Variants in SLX4IP observed in about 807,000 individuals in gnomAD.
The protein encoded by SLX4IP is SLX4 interacting protein.
SLX4IP carries 34 observed loss-of-function variants against 32.9 expected under a neutral mutation model. The observed-to-expected ratio is 1.03, with a 90% CI of 0.79 to 1.38. SLX4IP has a LOEUF of 1.38. SLX4IP is among the 40% of genes most tolerant of loss of function. The pLI is 0.00. For synonymous variants in SLX4IP, 172 were observed against 171.7 expected (o/e 1.00, Z -0.01); for missense variants, 444 against 479.0 (o/e 0.93, Z 0.68).
intron 6 of SLX4IP, among the ~76,000 whole-genome samples, chr20:10,609,789 A>T (rs1448188105): frequency 6.6e-6 from 1 of 151,394 alleles, no homozygotes; most frequent in Admixed American, 6.6e-5. Context: ...CAGAGAAGGC[A>T]TTTTTTTTTA....
chr20:10,545,627 G>T, intron 2 of SLX4IP, among the ~76,000 whole-genome samples: 1 of 152,192 alleles, frequency 6.6e-6, no homozygotes, highest in Non-Finnish European at 1.5e-5. Flanking sequence ...TAAATGAGAA[G>T]ATTCCAGGGA....
At chr20:10,456,932 A>G (rs1189604032) in intron 1 of SLX4IP, among the ~76,000 whole-genome samples, 1 of 152,118 alleles carries the variant, frequency 6.6e-6, no homozygotes, top group Admixed American at 6.6e-5. Context: ...TGGTGTACAA[A>G]TCTTGTACTT....
intron 2 of SLX4IP, among the ~76,000 whole-genome samples, chr20:10,483,628 A>C (rs2065545248): frequency 7.0e-6 from 1 of 141,858 alleles, no homozygotes; most frequent in South Asian, 2.3e-4. Flanking sequence ...TTAATTACAT[A>C]TTAAAATCCT....
At chr20:10,442,857 C>T (rs1421758573) in intron 1 of SLX4IP, among the ~76,000 whole-genome samples, 1 of 152,182 alleles carries the variant, frequency 6.6e-6, no homozygotes, top group Non-Finnish European at 1.5e-5. Context: ...CAGGATGTTC[C>T]TTGATTTAAA....
At chr20:10,601,385 T>C (rs1262204188) in intron 5 of SLX4IP, among the ~76,000 whole-genome samples, 1 of 152,212 alleles carries the variant, frequency 6.6e-6, no homozygotes, top group Non-Finnish European at 1.5e-5. Flanking sequence ...TGTTACATGC[T>C]CATTTTGAAA....
intron 6 of SLX4IP, among the ~76,000 whole-genome samples, chr20:10,602,910 A>C (rs2066860000): frequency 6.6e-6 from 1 of 152,236 alleles, no homozygotes; most frequent in African/African-American, 2.4e-5. Flanking sequence ...CGTTTGGTGC[A>C]GAGGAACCCT....
chr20:10,586,484 G>T (rs1027855394), intron 4 of SLX4IP, among the ~76,000 whole-genome samples: 1 of 152,174 alleles, frequency 6.6e-6, no homozygotes, highest in African/African-American at 2.4e-5. Context: ...AAATTAATCA[G>T]TCACAAGGAA....
intron 4 of SLX4IP, among the ~76,000 whole-genome samples, chr20:10,570,036 A>G (rs1772509258): frequency 6.6e-6 from 1 of 152,198 alleles, no homozygotes; most frequent in Non-Finnish European, 1.5e-5. Flanking sequence ...TCTCCGTCTT[A>G]TTTGGAGGTA....
chr20:10,617,215 G>A (rs888628968), intron 6 of SLX4IP, among the ~76,000 whole-genome samples: 2 of 152,342 alleles, frequency 1.3e-5, no homozygotes, highest in East Asian at 3.9e-4. Flanking sequence ...CTGCTGCTCT[G>A]CCTTGCTGAG....
At chr20:10,476,309 G>A (rs561492201) in intron 2 of SLX4IP, among the ~76,000 whole-genome samples, 1 of 152,210 alleles carries the variant, frequency 6.6e-6, no homozygotes, top group East Asian at 1.9e-4. Context: ...GCATGAATCT[G>A]GTCTTAAATC....
intron 1 of SLX4IP, among the ~76,000 whole-genome samples, chr20:10,452,680 A>AATATATATATATATATATATATAT (rs1280513421): frequency 1.8e-5 from 2 of 109,502 alleles, no homozygotes; most frequent in African/African-American, 7.0e-5. Flanking sequence ...AAAAAAAAAA[A>AATATATATATATATATATATATAT]ATATATATAT....
intron 2 of SLX4IP, among the ~76,000 whole-genome samples, chr20:10,534,630 C>T (rs574515557): frequency 4.6e-5 from 7 of 152,154 alleles, no homozygotes; most frequent in South Asian, 2.1e-4. Context: ...TGTCCTGCTC[C>T]GTGTTCAGCT....
At chr20:10,597,963 GAATT>G (rs1267023024) in intron 4 of SLX4IP, among the ~76,000 whole-genome samples, 2 of 152,110 alleles carry the variant, frequency 1.3e-5, no homozygotes, top group East Asian at 3.8e-4. Context: ...TGACATACTT[GAATT>G]AATTTATTTA....
At chr20:10,498,530 T>A (rs902582743) in intron 2 of SLX4IP, among the ~76,000 whole-genome samples, 5 of 152,178 alleles carry the variant, frequency 3.3e-5, no homozygotes, top group South Asian at 2.1e-4. Context: ...AATGGTTATC[T>A]CAGTTTTGAA....
At chr20:10,608,605 C>T (rs2066931357) in intron 6 of SLX4IP, among the ~76,000 whole-genome samples, 1 of 141,370 alleles carries the variant, frequency 7.1e-6, no homozygotes, top group South Asian at 2.4e-4. Context: ...ACCCAGGAGG[C>T]GGAGCTTGCA....
intron 2 of SLX4IP, among the ~76,000 whole-genome samples, chr20:10,500,788 T>C (rs2065711428): frequency 6.6e-6 from 1 of 152,046 alleles, no homozygotes; most frequent in South Asian, 2.1e-4. Flanking sequence ...AATATGAACA[T>C]TTGTAAGGGT....
chr20:10,495,885 T>A (rs1388128113), intron 2 of SLX4IP, among the ~76,000 whole-genome samples: 1 of 151,994 alleles, frequency 6.6e-6, no homozygotes, highest in Non-Finnish European at 1.5e-5. Flanking sequence ...ATAGCTGGGT[T>A]TTTTTTTGTT....
chr20:10,566,485 G>A (rs890384878), intron 4 of SLX4IP, among the ~76,000 whole-genome samples: 1 of 152,022 alleles, frequency 6.6e-6, no homozygotes, highest in Non-Finnish European at 1.5e-5. Context: ...TACTAAGGAA[G>A]CAGAGTCATG....
In SLX4IP at chr20:10,466,452, C is replaced by A. The variant is rs564941660; in HGVS notation, c.27+8221C>A. ...GCTTTCTCTGCTGCTTCCCTTCCCC[C>A]CCAACCTACTTTATTGTGGGTGGGA... is the stretch of plus-strand genomic sequence containing the variant. On this transcript the variant is annotated intron_variant, in intron 2 of 7. Transcript: ENST00000334534. Among the ~76,000 whole-genome samples the A allele has an allele frequency of 5.3e-5, 8 of 152,266 alleles. No individual in the cohort carries two copies. In the South Asian group the frequency reaches 1.5e-3, roughly 28 times the overall value.
Sources: gnomAD v4.1 joint callset for allele counts (sites outside exome capture counted in the v4.1 genomes callset) on GRCh38, gnomAD v4.1.1 for gene constraint, MANE v1.5 for transcripts, NCBI Gene and HGNC (gene_info 2026-07-23, HGNC 2026-07-21) for gene names.